R3HDM4: variants seen among roughly 807,000 people sequenced by gnomAD.
R3HDM4 encodes R3H domain-containing protein 4.
In R3HDM4, 30 loss-of-function variants were observed where a neutral mutation model predicts 31.3. The ratio of observed to expected loss-of-function variants is 0.96; its 90% confidence interval spans 0.72 to 1.30. R3HDM4 has a LOEUF of 1.30. R3HDM4 is among the 50% of genes most tolerant of loss of function. The probability of loss-of-function intolerance (pLI) is 0.00; values close to 1 mark genes in which losing one functional copy is unlikely to be tolerated. For missense variants in R3HDM4, 444 were observed against 366.1 expected (o/e 1.21, Z -1.74); for synonymous variants, 196 against 156.6 (o/e 1.25, Z -1.88).
rs1268979522 is a variant in R3HDM4 at position 913,069 on chromosome 19, C to G, written c.71+18G>C. ...GCCCGCCCCCGGCGCCCGCCGCGCC[C>G]CGCCCGCCCGCGCTCACAGCAGCCG... On this transcript the variant is annotated intron_variant, in intron 1 of 7. Transcript: ENST00000361574. The surrounding 1 kb of genome is among the most constrained non-coding windows in gnomAD (Gnocchi z 5.0). The G allele has an allele frequency of 1.9e-6, 2 of 1,027,954 alleles. No individual in the cohort carries two copies. The highest frequency in any genetic ancestry group is 3.5e-5 in the African/African-American group (2 of 57,918). 63.7% of individuals were successfully genotyped at this position (1,027,954 alleles called of 1,614,324 possible). A position where few individuals can be genotyped will look rare whatever the true frequency, so the allele number is the denominator to read the frequency against.
chr19:900,758 C>A, intron 4 of R3HDM4, 71 bp downstream of exon 4: 1 of 261,168 alleles, frequency 3.8e-6, no homozygotes, highest in South Asian at 4.1e-5. Context: ...CCATCCCGGC[C>A]CCACCCACCC....
At chr19:903,509 G>C (rs566233934) in intron 1 of R3HDM4, among the ~76,000 whole-genome samples, 59 of 152,276 alleles carry the variant, frequency 3.9e-4, no homozygotes, top group Non-Finnish European at 7.8e-4. Context: ...GGCGGCGTTT[G>C]GGGGGAGGTA....
At chr19:912,867 G>C (rs1317830460) in intron 1 of R3HDM4, among the ~76,000 whole-genome samples, 1 of 151,794 alleles carries the variant, frequency 6.6e-6, no homozygotes, top group Non-Finnish European at 1.5e-5. Context: ...TCCCCGCTGA[G>C]TAACAATGAA....
Position 913,049 on chromosome 19 carries a change from C to T in R3HDM4, c.71+38G>A. On this transcript the variant is annotated intron_variant, in intron 1 of 7. Transcript: ENST00000361574. This position sits in a 1 kb window ranked among gnomAD's most constrained non-coding sequence, Gnocchi z 5.0. ...ATCTCAGGGGAGGGAGCCCAGCCCG[C>T]CCCCGGCGCCCGCCGCGCCCCGCCC... 5 of 875,936 alleles carry T rather than the reference C, an allele frequency of 5.7e-6. No homozygotes were observed. Among genetic ancestry groups the T allele is most frequent in the Non-Finnish European group, 5.6e-6 (4 of 720,120 alleles). The allele number at this position is 875,936 out of a possible 1,614,324, so 54.3% of individuals were successfully genotyped here.
At chr19:909,472 T>C (rs1184855213) in intron 1 of R3HDM4, among the ~76,000 whole-genome samples, 2 of 152,168 alleles carry the variant, frequency 1.3e-5, no homozygotes, top group Non-Finnish European at 2.9e-5. Flanking sequence ...TGTATTTACA[T>C]AGTTACATAG....
rs1305343218 is a variant in R3HDM4 at position 899,566 on chromosome 19, T to A, written c.647+35A>T. ...GGTGTCCGCCCACCTGGCCGCAGCC[T>A]CGGAGGGTCCGCTCGCCTGGCCGCC... On this transcript the variant is annotated intron_variant, in intron 6 of 7. Transcript: ENST00000361574. The surrounding 1 kb of genome is among the most constrained non-coding windows in gnomAD (Gnocchi z 6.8). 3.1e-6 allele frequency: 5 copies of A among 1,612,092 alleles called. No homozygotes were observed. Among genetic ancestry groups the A allele is most frequent in the Non-Finnish European group, 4.2e-6 (5 of 1,179,116 alleles).
chr19:901,843 A>T, intron 2 of R3HDM4, 133 bp downstream of exon 2: 1 of 1,147,118 alleles, frequency 8.7e-7, no homozygotes. Context: ...CCCCCGGCCT[A>T]CAGCTGACAC....
At chr19:903,183 C>G (rs2036858318) in intron 1 of R3HDM4, among the ~76,000 whole-genome samples, 1 of 151,790 alleles carries the variant, frequency 6.6e-6, no homozygotes, top group Non-Finnish European at 1.5e-5. Context: ...CTCCCAGCAG[C>G]AGAGGAGCCA....
chr19:911,483 C>T (rs544224007), intron 1 of R3HDM4, among the ~76,000 whole-genome samples: 3 of 152,212 alleles, frequency 2.0e-5, no homozygotes, highest in Non-Finnish European at 4.4e-5. Flanking sequence ...AAAACATTAA[C>T]GATAATTAGT....
At chr19:912,893 C>CTGGGGGTCCACAGCGGGCGAGAAGGG (rs1345554780) in intron 1 of R3HDM4, among the ~76,000 whole-genome samples, 194 bp downstream of exon 1, 2 of 151,512 alleles carry the variant, frequency 1.3e-5, no homozygotes, top group Non-Finnish European at 2.9e-5. Context: ...CCCACCCAGC[C>CTGGGGGTCCACAGCGGGCGAGAAGGG]TGGGGGTCCA....
At chr19:902,925 G>A (rs1164489722) in intron 1 of R3HDM4, among the ~76,000 whole-genome samples, 1 of 152,112 alleles carries the variant, frequency 6.6e-6, no homozygotes, top group African/African-American at 2.4e-5. Context: ...CTGGGCGACG[G>A]AGTGAGACCT....
intron 1 of R3HDM4, chr19:902,419 G>A: frequency 2.8e-6 from 1 of 356,670 alleles, no homozygotes; most frequent in South Asian, 5.5e-5. Context: ...AGACCAGCCT[G>A]AGCAACATAG....
At chr19:905,684 C>CA (rs35211343) in intron 1 of R3HDM4, among the ~76,000 whole-genome samples, 4,124 of 66,120 alleles carry the variant, frequency 0.062, 265 homozygotes, top group African/African-American at 0.18. Context: ...GACTCTGTCT[C>CA]AAAAAAAAAA....
rs1252795284 is a variant in R3HDM4, at chr19:907,444, G to A, written c.72-5314C>T. On this transcript the variant is annotated intron_variant, in intron 1 of 7. Coordinates refer to ENST00000361574, the MANE Select transcript of R3HDM4 (RefSeq NM_138774.4). This position sits in a 1 kb window ranked among gnomAD's most constrained non-coding sequence, Gnocchi z 4.1. ...ACATCCGAGGGGAGCCCTCGGGGAA[G>A]TCAGAGGGGGCGGGGCTCGGTGACA... 6.6e-6 allele frequency among the ~76,000 whole-genome samples: 1 copy of A among 152,126 alleles called. No homozygotes were observed. The highest frequency in any genetic ancestry group is 1.5e-5 in the Non-Finnish European group (1 of 68,006).
chr19:911,212 G>C (rs2036967902), intron 1 of R3HDM4, among the ~76,000 whole-genome samples: 1 of 151,954 alleles, frequency 6.6e-6, no homozygotes, highest in Non-Finnish European at 1.5e-5. Flanking sequence ...TTGGGAGGCC[G>C]AGGCAAGCAG....
At position 899,348 on chromosome 19, in the gene R3HDM4, G is replaced by A; in HGVS notation, c.703+92C>T. 6 of 1,201,466 alleles carry A rather than the reference G, an allele frequency of 5.0e-6. No individual in the cohort carries two copies. Among genetic ancestry groups the A allele is most frequent in the Middle Eastern group, 2.2e-4 (1 of 4,648 alleles). 74.4% of individuals were successfully genotyped at this position (1,201,466 alleles called of 1,614,324 possible). A position where few individuals can be genotyped will look rare whatever the true frequency, so the allele number is the denominator to read the frequency against. On this transcript the variant is annotated intron_variant, in intron 7 of 7. Transcript: ENST00000361574. This position sits in a 1 kb window ranked among gnomAD's most constrained non-coding sequence, Gnocchi z 6.8. ...GCCCCCTTCCCCACCTCCCCACCAA[G>A]CCCCACTCTGAGGAACCAGGCCCCT...
chr19:906,569 G>C (rs2036908288), intron 1 of R3HDM4, among the ~76,000 whole-genome samples: 1 of 152,124 alleles, frequency 6.6e-6, no homozygotes, highest in South Asian at 2.1e-4. Context: ...GAACAAGTTG[G>C]TTTGGGAGGG....
Position 900,970 on chromosome 19 carries a change from A to G in R3HDM4, c.352-18T>C. 1 of 1,550,984 alleles carries G rather than the reference A, an allele frequency of 6.4e-7. No homozygotes were observed. The highest frequency in any genetic ancestry group is 1.4e-5 in the African/African-American group (1 of 72,588). On this transcript the variant is annotated intron_variant, in intron 3 of 7. Coordinates refer to ENST00000361574, the MANE Select transcript of R3HDM4 (RefSeq NM_138774.4). ...TTCCAGACCTGGAAGAGAGGCAGGG[A>G]GGCAGGCTTGCCATGAAACACTGGG...
At chr19:898,604 C>A (rs568077840) in intron 7 of R3HDM4, among the ~76,000 whole-genome samples, 100 of 149,444 alleles carry the variant, frequency 6.7e-4, no homozygotes, top group African/African-American at 2.4e-3. Context: ...CTCAAAAAAA[C>A]CAAACCTAAC....
Sources: allele counts gnomAD v4.1 joint callset (sites outside exome capture counted in the v4.1 genomes callset), GRCh38; gene constraint gnomAD v4.1.1; non-coding constraint Gnocchi (gnomAD v3.1); transcripts MANE v1.5; gene names NCBI Gene and HGNC (gene_info 2026-07-23, HGNC 2026-07-21).